MICU3: variants seen among roughly 807,000 people sequenced by gnomAD.
MICU3 encodes the protein mitochondrial calcium uptake 3, also known as calcium uptake protein 3, mitochondrial.
Under a neutral mutation model 66.5 loss-of-function variants are expected in MICU3, and 62 were observed. That is an observed-to-expected ratio of 0.93 (90% confidence interval 0.76 to 1.15). The LOEUF (loss-of-function observed/expected upper bound fraction) is 1.15. Ranked by LOEUF, MICU3 falls within the 50% of genes most tolerant of loss-of-function variation. The probability of loss-of-function intolerance (pLI) is 0.00; values close to 1 mark genes in which losing one functional copy is unlikely to be tolerated. For synonymous variants in MICU3, 308 were observed against 240.7 expected (o/e 1.28, Z -2.59); for missense variants, 779 against 664.4 (o/e 1.17, Z -1.90).
At chr8:17,038,944 C>G (rs1813538209) in intron 1 of MICU3, among the ~76,000 whole-genome samples, 1 of 131,986 alleles carries the variant, frequency 7.6e-6, no homozygotes, top group Admixed American at 7.3e-5. Context: ...CAGAGCGAGA[C>G]TCTGTCTCAA....
Position 17,064,034 on chromosome 8 carries a change from G to A in MICU3, c.382-50G>A, listed in dbSNP as rs756976389. The A allele has an allele frequency of 1.3e-5, 18 of 1,414,944 alleles. No homozygotes were observed. In the Admixed American group the frequency reaches 3.2e-4, roughly 25 times the overall value. 87.6% of individuals were successfully genotyped at this position (1,414,944 alleles called of 1,614,324 possible). A position where few individuals can be genotyped will look rare whatever the true frequency, so the allele number is the denominator to read the frequency against. On this transcript the variant is annotated intron_variant, in intron 1 of 14. Transcript: ENST00000318063. ...AACATAATTAAAAGTATCTTCTAGAGGGAGGTATTACTTCACATCATCCAA... is the reference window on the plus strand; with the variant it reads ...AACATAATTAAAAGTATCTTCTAGAAGGAGGTATTACTTCACATCATCCAA...
intron 1 of MICU3, among the ~76,000 whole-genome samples, chr8:17,062,594 T>G (rs1430035473): frequency 6.6e-6 from 1 of 152,218 alleles, no homozygotes; most frequent in Non-Finnish European, 1.5e-5. Context: ...TTGTTTTTGT[T>G]ATGGCTTCTC....
intron 1 of MICU3, among the ~76,000 whole-genome samples, chr8:17,058,918 G>C (rs1191698986): frequency 2.0e-5 from 3 of 152,224 alleles, no homozygotes; most frequent in Non-Finnish European, 2.9e-5. Flanking sequence ...TTAGGTGTAT[G>C]TAGGCAGAAC....
chr8:17,137,705 C>CTTTTTT, the MICU3 span, among the ~76,000 whole-genome samples: 4 of 102,886 alleles, frequency 3.9e-5, no homozygotes, highest in Non-Finnish European at 8.4e-5. Context: ...TTTTCTTTTC[C>CTTTTTT]TTTTTTTTTT....
At chr8:17,137,577 A>T in the MICU3 span, among the ~76,000 whole-genome samples, 1 of 151,350 alleles carries the variant, frequency 6.6e-6, no homozygotes, top group Non-Finnish European at 1.5e-5. Flanking sequence ...GGCTTCAAAA[A>T]CTATGTAGCC....
At chr8:17,097,102 T>G (rs1420250442) in intron 8 of MICU3, among the ~76,000 whole-genome samples, 1 of 151,560 alleles carries the variant, frequency 6.6e-6, no homozygotes, top group Non-Finnish European at 1.5e-5. Flanking sequence ...TTTTCTAGTT[T>G]GGTGGGTTTA....
At chr8:17,059,561 A>G (rs180977070) in intron 1 of MICU3, among the ~76,000 whole-genome samples, 1 of 152,184 alleles carries the variant, frequency 6.6e-6, no homozygotes, top group African/African-American at 2.4e-5. Context: ...AGAAGCTACA[A>G]CTGTCACCAT....
chr8:17,039,158 A>G (rs1813596205), intron 1 of MICU3, among the ~76,000 whole-genome samples: 1 of 152,154 alleles, frequency 6.6e-6, no homozygotes, highest in African/African-American at 2.4e-5. Context: ...AAATTAAGTT[A>G]TGTACTGTTG....
At chr8:17,076,827 G>A (rs1820453458) in intron 3 of MICU3, among the ~76,000 whole-genome samples, 1 of 152,216 alleles carries the variant, frequency 6.6e-6, no homozygotes, top group South Asian at 2.1e-4. Flanking sequence ...GCTCTCAGGT[G>A]ATGCTTAAAC....
intron 8 of MICU3, among the ~76,000 whole-genome samples, chr8:17,096,212 C>G (rs1244744549): frequency 6.6e-6 from 1 of 151,840 alleles, no homozygotes; most frequent in Non-Finnish European, 1.5e-5. Context: ...ATCAAAGTGT[C>G]CAGTTACACC....
chr8:17,071,590 A>T (rs1277401362), intron 3 of MICU3, among the ~76,000 whole-genome samples: 1 of 152,182 alleles, frequency 6.6e-6, no homozygotes, highest in Non-Finnish European at 1.5e-5. Flanking sequence ...TTGAGACCAT[A>T]ATATGTAGTA....
At chr8:17,071,189 G>A (rs1031367226) in intron 3 of MICU3, among the ~76,000 whole-genome samples, 3 of 152,122 alleles carry the variant, frequency 2.0e-5, no homozygotes, top group East Asian at 3.9e-4. Flanking sequence ...GCATTTTACT[G>A]GAAGTCTGGG....
chr8:17,040,167 C>T (rs747026040), intron 1 of MICU3, among the ~76,000 whole-genome samples: 20 of 152,054 alleles, frequency 1.3e-4, no homozygotes, highest in Non-Finnish European at 2.2e-4. Flanking sequence ...CTCGGCCTCC[C>T]GAAGTGTTGG....
chr8:17,107,656 G>C (rs538204073), intron 11 of MICU3, among the ~76,000 whole-genome samples: 5 of 152,272 alleles, frequency 3.3e-5, no homozygotes, highest in African/African-American at 1.2e-4. Flanking sequence ...ACTGTCTGCA[G>C]CTGTTTTTAC....
At chr8:17,113,260 G>A (rs1036256424) in intron 11 of MICU3, among the ~76,000 whole-genome samples, 3 of 152,066 alleles carry the variant, frequency 2.0e-5, no homozygotes, top group African/African-American at 4.8e-5. Flanking sequence ...GCCTCAACTC[G>A]GCCTTCTGCT....
At chr8:17,074,996 A>G (rs1820164057) in intron 3 of MICU3, among the ~76,000 whole-genome samples, 1 of 152,114 alleles carries the variant, frequency 6.6e-6, no homozygotes, top group African/African-American at 2.4e-5. Flanking sequence ...CTACAAGTCT[A>G]GGAGGTTGCC....
chr8:17,138,422 T>C, the MICU3 span, among the ~76,000 whole-genome samples: 1 of 152,236 alleles, frequency 6.6e-6, no homozygotes, highest in African/African-American at 2.4e-5. Context: ...CACGAGGAAA[T>C]GACTGTGACA....
At chr8:17,110,885 T>A (rs76921202) in intron 11 of MICU3, among the ~76,000 whole-genome samples, 1,823 of 152,190 alleles carry the variant, frequency 0.012, 33 homozygotes, top group African/African-American at 0.042. Flanking sequence ...TCTCATAGTG[T>A]TTTTTAGGTT....
chr8:17,087,060 A>C (rs1237109289), intron 7 of MICU3, 25 bp downstream of exon 7: 3 of 1,496,594 alleles, frequency 2.0e-6, no homozygotes. Context: ...TAGTAGCTTT[A>C]GGTGGCTTTT....
Sources: gnomAD v4.1 joint callset for allele counts (sites outside exome capture counted in the v4.1 genomes callset) on GRCh38, gnomAD v4.1.1 for gene constraint, MANE v1.5 for transcripts, NCBI Gene and HGNC (gene_info 2026-07-23, HGNC 2026-07-21) for gene names.